Variants in INPP5J observed in about 807,000 individuals in gnomAD.
INPP5J encodes the protein inositol polyphosphate-5-phosphatase J, also known as phosphatidylinositol 4,5-bisphosphate 5-phosphatase A.
A neutral mutation model predicts 86.6 loss-of-function variants in INPP5J; 75 were observed. That is an observed-to-expected ratio of 0.87 (90% CI 0.72 to 1.05). INPP5J has a LOEUF of 1.05. Among genes scored for constraint, INPP5J ranks in the 50% least tolerant of loss-of-function variants. The pLI is 0.00. For synonymous variants in INPP5J, 540 were observed against 550.0 expected, an observed-to-expected ratio of 0.98 and a Z score of 0.25; for missense variants, 1,229 against 1,341.2, an observed-to-expected ratio of 0.92 and a Z score of 1.31.
In INPP5J at chr22:31,126,735, C is replaced by G. The variant is rs759176514; in HGVS notation, c.1494+14C>G. 7.5e-6 allele frequency: 12 copies of G among 1,599,154 alleles called. No homozygotes were observed. The South Asian group carries it at 1.3e-4, about 18-fold the overall frequency. On this transcript the variant is annotated intron_variant, in intron 4 of 12. Transcript: ENST00000331075. Reference sequence around the variant, plus strand: ...AACTTCGTGCTGGTAACGCACCCCTCACCCCCTGGACAGCCAGAGACCCTG... The same window carrying G: ...AACTTCGTGCTGGTAACGCACCCCTGACCCCCTGGACAGCCAGAGACCCTG...
intron 9 of INPP5J, 48 bp downstream of exon 9, chr22:31,128,702 C>A (rs781249462): frequency 5.4e-6 from 8 of 1,468,044 alleles, no homozygotes; most frequent in South Asian, 2.6e-5. Context: ...AGGCCCAACT[C>A]GGCATACCAC....
Position 31,134,336 on chromosome 22 carries a change from G to GATC in INPP5J, c.2939_2941dup (p.Asp980_Arg981insHis). On this transcript the variant is annotated inframe_insertion, in exon 13 of 13. Transcript: ENST00000331075. ...TGGTGGTGGTGGCTCCTGGGGACCT[G>GATC]ATCGGGAGGCCCTGGCGCCCAACAG... is the stretch of plus-strand genomic sequence containing the variant. The GATC allele has an allele frequency of 6.5e-7, 1 of 1,545,448 alleles. No homozygotes were observed. Among genetic ancestry groups the GATC allele is most frequent in the Non-Finnish European group, 8.7e-7 (1 of 1,145,896 alleles).
chr22:31,126,274 C>T (rs1198117174), intron 2 of INPP5J, 102 bp from the exon 3 acceptor site: 4 of 1,037,048 alleles, frequency 3.9e-6, no homozygotes, highest in Admixed American at 2.0e-5. Context: ...GGGCTTTGGC[C>T]CACACCTGCC....
rs553644901 is a variant in INPP5J at position 31,128,337 on chromosome 22, G to A, written c.2009+14G>A. ...ATACGATACCAGGTGAGCTCAGTCCGAGGAGGGACTGAGGGGAAGTGGGCT... is the reference window on the plus strand; with the variant it reads ...ATACGATACCAGGTGAGCTCAGTCCAAGGAGGGACTGAGGGGAAGTGGGCT... On this transcript the variant is annotated intron_variant, in intron 8 of 12. Transcript: ENST00000331075. The A allele has an allele frequency of 8.3e-6, 13 of 1,574,658 alleles. 1 individual carries two copies. The highest frequency in any genetic ancestry group is 6.9e-5 in the East Asian group (3 of 43,534).
chr22:31,127,020 G>A lies in INPP5J; in HGVS notation c.1594G>A (p.Gly532Ser). ...CGTGCAGACCGACTGCACGCGCACT[G>A]GCCTGGGCGGCTACTGGGTGAGCCT... Reference protein sequence around the residue: ...RDVQTDCTRTGLGGYWGNKGG... With the variant: ...RDVQTDCTRTSLGGYWGNKGG... The change falls in exon 5 of 13, where the codon GGC (glycine) becomes AGC (serine). Residue 532 changes from glycine to serine, a missense_variant. Transcript: ENST00000331075. The A allele has an allele frequency of 6.2e-7, 1 of 1,601,148 alleles. No individual in the cohort carries two copies. The highest frequency in any genetic ancestry group is 8.5e-7 in the Non-Finnish European group (1 of 1,173,866).
intron 3 of INPP5J, 37 bp from the exon 4 acceptor site, chr22:31,126,576 C>T: frequency 6.2e-7 from 1 of 1,604,612 alleles, no homozygotes; most frequent in Admixed American, 1.7e-5. Context: ...CAGGGCACCT[C>T]TCCAATCCCA....
chr22:31,128,447 T>C, intron 8 of INPP5J, 24 bp from the exon 9 acceptor site: 1 of 1,612,342 alleles, frequency 6.2e-7, no homozygotes, highest in Non-Finnish European at 8.5e-7. Context: ...CCCCTGAAAC[T>C]TGGGGTACCC....
rs1264792763 is a variant in INPP5J, at chr22:31,128,647, T to A, written c.2186T>A (p.Leu729His). 6.3e-7 allele frequency: 1 copy of A among 1,582,074 alleles called. No individual in the cohort carries two copies. Among genetic ancestry groups the A allele is most frequent in the African/African-American group, 1.3e-5 (1 of 74,160 alleles). The change falls in exon 9 of 13, where the codon CTC becomes CAC. Residue 729 changes from leucine to histidine, a missense_variant. Coordinates refer to ENST00000331075, the MANE Select transcript of INPP5J (RefSeq NM_001284285.2). ...SDHKPVAAQF[L>H]LQFAFRDDMP... ...CACAAGCCTGTGGCTGCCCAGTTCC[T>A]CCTGCAGGTGAGTTCTGGCCTCATC...
Position 31,127,525 on chromosome 22 carries a change from GA to G in INPP5J, c.1781del (p.Asp594ValfsTer11). ...FQGPGAQGILDHDLVFWFGDL... is the reference protein window; with the variant it reads ...FQGPGAQGILXHDLVFWFGDL... ...AGGGCCGGGCGCACAGGGCATCCTG[GA>G]TCATGAGTATGGGCTGGGGTGGGGC... On this transcript the variant is annotated frameshift_variant, in exon 6 of 13. Transcript: ENST00000331075. LOFTEE classifies it high-confidence loss of function. 6.2e-7 allele frequency: 1 copy of G among 1,612,566 alleles called. No homozygotes were observed. The highest frequency in any genetic ancestry group is 8.5e-7 in the Non-Finnish European group (1 of 1,179,130).
intron 2 of INPP5J, 111 bp from the exon 3 acceptor site, chr22:31,126,265 G>A (rs1660284460): frequency 1.0e-6 from 1 of 964,824 alleles, no homozygotes; most frequent in Admixed American, 2.1e-5. Flanking sequence ...TCCTTCTTAG[G>A]GCTTTGGCCC....
rs1921726881 is a variant in INPP5J at position 31,128,486 on chromosome 22, G to A, written c.2025G>A (p.Lys675=). 1.2e-6 allele frequency: 2 copies of A among 1,613,534 alleles called. No individual in the cohort carries two copies. The highest frequency in any genetic ancestry group is 1.7e-6 in the Non-Finnish European group (2 of 1,179,876). ...NKYDTSAKKR[K]PAWTDRILWK... ...CTCACTGCAGTGCCAAGAAACGGAA[G>A]CCAGCTTGGACAGACCGTATCCTAT... is the stretch of plus-strand genomic sequence containing the variant. The change falls in exon 9 of 13, where the codon AAG becomes AAA. Residue 675 remains lysine, a synonymous_variant. Transcript: ENST00000331075.
At chr22:31,127,145 C>G in intron 5 of INPP5J, 108 bp downstream of exon 5, 1 of 888,746 alleles carries the variant, frequency 1.1e-6, no homozygotes, top group East Asian at 2.6e-5. Flanking sequence ...CACCCTTTAC[C>G]CTGCGGCCCA....
intron 1 of INPP5J, chr22:31,124,136 T>C (rs1051596737): frequency 2.8e-5 from 10 of 356,996 alleles, no homozygotes; most frequent in Non-Finnish European, 3.5e-5. Flanking sequence ...TCCCTTCATT[T>C]TACAGACAGA....
chr22:31,131,496 G>A (rs1922060204), intron 9 of INPP5J, among the ~76,000 whole-genome samples: 1 of 151,926 alleles, frequency 6.6e-6, no homozygotes, highest in African/African-American at 2.4e-5. Flanking sequence ...CCGGGAGGCG[G>A]AGGTTGCAGT....
intron 1 of INPP5J, chr22:31,124,284 G>A (rs1002450053): frequency 4.1e-6 from 4 of 987,418 alleles, no homozygotes; most frequent in Non-Finnish European, 4.8e-6. Context: ...AGAGAGGGCT[G>A]TAACCAAGGG....
In INPP5J at chr22:31,125,038, C is replaced by G. The variant is rs1408836156; in HGVS notation, c.299C>G (p.Ala100Gly). 6.4e-7 allele frequency: 1 copy of G among 1,551,888 alleles called. No homozygotes were observed. The highest frequency in any genetic ancestry group is 2.0e-5 in the Admixed American group (1 of 51,106). ...CTPEGQKTATAHRSSSLAPTS... is the reference protein window; with the variant it reads ...CTPEGQKTATGHRSSSLAPTS... ...CCTGAAGGGCAGAAAACAGCTACTG[C>G]CCACCGCAGCTCCAGCCTGGCCCCA... The change falls in exon 2 of 13, where the codon GCC (alanine) becomes GGC (glycine). Residue 100 changes from alanine (A) to glycine (G), a missense_variant. Coordinates refer to ENST00000331075, the MANE Select transcript of INPP5J (RefSeq NM_001284285.2).
Position 31,134,492 on chromosome 22 carries a change from C to A in INPP5J, c.*73C>A. On this transcript the variant is annotated 3_prime_UTR_variant, in exon 13 of 13. Coordinates refer to ENST00000331075, the MANE Select transcript of INPP5J (RefSeq NM_001284285.2). ...CTTTTGCAAGCCCACCTGCCTCTCTCCTGCTGCTCCTCCAGCTGTATCTGC... is the reference window on the plus strand; with the variant it reads ...CTTTTGCAAGCCCACCTGCCTCTCTACTGCTGCTCCTCCAGCTGTATCTGC... The A allele has an allele frequency of 1.5e-6, 2 of 1,365,872 alleles. No homozygotes were observed. The highest frequency in any genetic ancestry group is 1.9e-6 in the Non-Finnish European group (2 of 1,041,156). The allele number at this position is 1,365,872 out of a possible 1,614,324, so 84.6% of individuals were successfully genotyped here. A position where few individuals can be genotyped will look rare whatever the true frequency, so the allele number is the denominator to read the frequency against.
intron 1 of INPP5J, 136 bp downstream of exon 1, chr22:31,123,255 G>A (rs1921034427): frequency 3.6e-6 from 2 of 554,764 alleles, no homozygotes; most frequent in Admixed American, 8.6e-5. Flanking sequence ...GCAGGGGCTA[G>A]GTGAAGAGAG....
At position 31,125,766 on chromosome 22, in the gene INPP5J, A is replaced by G. The variant is rs1462663542; in HGVS notation, c.1027A>G (p.Lys343Glu). ...SGQTVPPPLP[K>E]PPRSPSRSPS... ...CCAGACTGTGCCCCCACCTCTGCCCAAGCCACCCCGATCACCCAGCCGTTC... is the reference window on the plus strand; with the variant it reads ...CCAGACTGTGCCCCCACCTCTGCCCGAGCCACCCCGATCACCCAGCCGTTC... Residue 343 changes from lysine (K) to glutamate (E), a missense_variant, in exon 2 of 13, where the codon AAG becomes GAG. Physicochemically the swap from Lys to Glu is moderately conservative, Grantham distance 56 (BLOSUM62 1). Transcript: ENST00000331075. 1.3e-6 allele frequency: 2 copies of G among 1,552,126 alleles called. No homozygotes were observed. The highest frequency in any genetic ancestry group is 1.2e-5 in the South Asian group (1 of 84,186).
Sources: allele counts gnomAD v4.1 joint callset (sites outside exome capture counted in the v4.1 genomes callset), GRCh38; gene constraint gnomAD v4.1.1; transcripts MANE v1.5; gene names NCBI Gene and HGNC (gene_info 2026-07-23, HGNC 2026-07-21).